Variants in EP300 observed in about 807,000 individuals in gnomAD.
EP300 encodes the protein EP300 lysine acetyltransferase.
A neutral mutation model predicts 264.0 loss-of-function variants in EP300; 31 were observed. The ratio of observed to expected loss-of-function variants is 0.12; its 90% CI spans 0.09 to 0.16. The LOEUF is 0.16. Among genes scored for constraint, EP300 ranks in the 10% least tolerant of loss-of-function variants. The pLI is 1.00. For synonymous variants in EP300, 1,340 were observed against 1,045.4 expected, an observed-to-expected ratio of 1.28 and a Z score of -5.44; for missense variants, 2,766 against 3,052.9, an observed-to-expected ratio of 0.91 and a Z score of 2.21.
Position 41,178,464 on chromosome 22 carries a change from A to G in EP300, c.6753A>G (p.Ala2251=). The G allele has an allele frequency of 6.2e-7, 1 of 1,614,128 alleles. No homozygotes were observed. The highest frequency in any genetic ancestry group is 8.5e-7 in the Non-Finnish European group (1 of 1,180,032). Residue 2251 remains alanine (A), a synonymous_variant, in exon 31 of 31, where the codon GCA becomes GCG. Transcript: ENST00000263253. ...QIGQLPQALG[A]EAGASLQAYQ... is the part of the protein sequence containing the mutation. Reference sequence around the variant, plus strand: ...GCCAGCTTCCCCAGGCCTTGGGAGCAGAGGCAGGTGCCAGTCTACAGGCCT... The same window carrying G: ...GCCAGCTTCCCCAGGCCTTGGGAGCGGAGGCAGGTGCCAGTCTACAGGCCT...
chr22:41,126,217 T>G (rs1252667903), intron 3 of EP300, 177 bp downstream of exon 3: 2 of 657,380 alleles, frequency 3.0e-6, no homozygotes, highest in Admixed American at 2.7e-5. Flanking sequence ...TTCTCTGTTT[T>G]TTTTGTTCCA....
At chr22:41,129,780 A>G in intron 4 of EP300, 110 bp from the exon 5 acceptor site, 1 of 809,934 alleles carries the variant, frequency 1.2e-6, no homozygotes, top group Non-Finnish European at 2.1e-6. Flanking sequence ...TGTTAGGAAG[A>G]TGAAATAAGT....
At chr22:41,116,872 T>C (rs1025350279) in intron 1 of EP300, among the ~76,000 whole-genome samples, 1 of 152,038 alleles carries the variant, frequency 6.6e-6, no homozygotes. Flanking sequence ...ACCAGCCAGG[T>C]CAACATGGCA....
At chr22:41,132,122 G>A (rs1365133418) in intron 6 of EP300, among the ~76,000 whole-genome samples, 5 of 151,028 alleles carry the variant, frequency 3.3e-5, no homozygotes, top group Non-Finnish European at 7.4e-5. Flanking sequence ...CTTGAACCTG[G>A]GAGGCAGAGG....
intron 7 of EP300, 64 bp from the exon 8 acceptor site, chr22:41,137,589 T>C: frequency 1.2e-6 from 2 of 1,602,282 alleles, no homozygotes; most frequent in Non-Finnish European, 1.7e-6. Context: ...AGTGTCAGCT[T>C]GAATTAAATG....
intron 2 of EP300, among the ~76,000 whole-genome samples, chr22:41,119,175 A>ATTAT (rs1301631658): frequency 4.4e-5 from 5 of 112,992 alleles, no homozygotes; most frequent in African/African-American, 1.2e-4. Context: ...GCTTATTATT[A>ATTAT]TTTTTTTTTT....
chr22:41,157,471 G>T, intron 18 of EP300, 63 bp downstream of exon 18: 3 of 1,435,176 alleles, frequency 2.1e-6, no homozygotes. Context: ...ATATAGTGGT[G>T]ACTGGGATAA....
At chr22:41,163,263 G>A (rs1481916308) in intron 21 of EP300, among the ~76,000 whole-genome samples, 1 of 149,892 alleles carries the variant, frequency 6.7e-6, no homozygotes, top group African/African-American at 2.5e-5. Flanking sequence ...GTGAAACCCC[G>A]TCTCTACTAA....
chr22:41,140,306 G>T (rs1569102783), intron 9 of EP300, 49 bp downstream of exon 9: 3 of 1,273,896 alleles, frequency 2.4e-6, no homozygotes, highest in South Asian at 1.2e-5. Flanking sequence ...AACCTGTTGT[G>T]GTTATTTTAT....
intron 1 of EP300, among the ~76,000 whole-genome samples, chr22:41,104,402 G>A (rs1327610002): frequency 2.0e-5 from 3 of 151,750 alleles, no homozygotes; most frequent in African/African-American, 7.3e-5. Context: ...TGATTTTCCT[G>A]CCTCAGCCTC....
chr22:41,110,683 C>T (rs968134981), intron 1 of EP300, among the ~76,000 whole-genome samples: 8 of 152,046 alleles, frequency 5.3e-5, no homozygotes, highest in South Asian at 2.1e-4. Context: ...GGATTACAGG[C>T]GTGAGCCACC....
chr22:41,147,209 G>A (rs1394676927), intron 11 of EP300, among the ~76,000 whole-genome samples: 1 of 152,006 alleles, frequency 6.6e-6, no homozygotes, highest in Admixed American at 6.6e-5. Flanking sequence ...TGGAGGCTGA[G>A]GCTGGAGAAT....
intron 1 of EP300, among the ~76,000 whole-genome samples, chr22:41,096,043 A>C (rs1270823301): frequency 1.3e-5 from 2 of 152,198 alleles, no homozygotes; most frequent in Admixed American, 1.3e-4. Context: ...TGTAGCCTTC[A>C]CACCTTTATG....
intron 1 of EP300, among the ~76,000 whole-genome samples, chr22:41,094,812 CTT>C (rs1234238397): frequency 6.6e-6 from 1 of 152,060 alleles, no homozygotes; most frequent in African/African-American, 2.4e-5. Context: ...GTAGGGGAAA[CTT>C]TTTTGTGTAC....
chr22:41,116,327 A>G (rs1472391806), intron 1 of EP300, among the ~76,000 whole-genome samples: 1 of 152,112 alleles, frequency 6.6e-6, no homozygotes, highest in Non-Finnish European at 1.5e-5. Flanking sequence ...TCAATCCGTC[A>G]TCTACATTAG....
chr22:41,117,608 C>T lies in EP300; in HGVS notation c.516C>T (p.Gly172=), dbSNP rs2058828809. 1 of 1,614,224 alleles carries T rather than the reference C, an allele frequency of 6.2e-7. No individual in the cohort carries two copies. The highest frequency in any genetic ancestry group is 1.3e-5 in the African/African-American group (1 of 75,052). The part of the protein sequence containing the change: ...AMGMNTGMNA[G]MNPGMLAAGN... ...GAATGAACACAGGGATGAATGCGGG[C>T]ATGAATCCTGGAATGTTGGCTGCAG... Residue 172 remains glycine (G), a synonymous_variant, in exon 2 of 31, where the codon GGC becomes GGT. Transcript: ENST00000263253.
At chr22:41,153,111 T>G (rs1167603542) in intron 16 of EP300, among the ~76,000 whole-genome samples, 5 of 152,276 alleles carry the variant, frequency 3.3e-5, no homozygotes, top group Non-Finnish European at 7.4e-5. Context: ...TTAGCAAAGT[T>G]AAGTAACTTT....
intron 10 of EP300, among the ~76,000 whole-genome samples, chr22:41,144,608 C>T (rs1204118864): frequency 1.3e-5 from 2 of 151,888 alleles, no homozygotes; most frequent in African/African-American, 4.8e-5. Flanking sequence ...CCACCCACCT[C>T]GGCCTCCCAA....
At chr22:41,168,279 CAT>C (rs1453072425) in intron 23 of EP300, 168 bp from the exon 24 acceptor site, 3 of 683,300 alleles carry the variant, frequency 4.4e-6, no homozygotes, top group East Asian at 2.7e-5. Flanking sequence ...TCCCTGCACT[CAT>C]ATGACATGTA....
Sources: allele counts gnomAD v4.1 joint callset (sites outside exome capture counted in the v4.1 genomes callset), GRCh38; gene constraint gnomAD v4.1.1; transcripts MANE v1.5; gene names NCBI Gene and HGNC (gene_info 2026-07-23, HGNC 2026-07-21).